Variants in GTF2E2 observed in about 807,000 individuals in gnomAD.
GTF2E2 encodes the protein transcription initiation factor IIE subunit beta.
GTF2E2 carries 21 observed loss-of-function variants against 40.5 expected under a neutral mutation model. That is an observed-to-expected ratio of 0.52 (90% CI 0.37 to 0.75). The LOEUF (loss-of-function observed/expected upper bound fraction) is 0.75, where lower values mean the gene tolerates loss of function less well. Ranked by LOEUF, GTF2E2 falls within the 30% of genes least tolerant of loss-of-function variation. The probability of loss-of-function intolerance (pLI) is 0.00; values close to 1 mark genes in which losing one functional copy is unlikely to be tolerated. For missense variants in GTF2E2, 298 were observed against 338.4 expected (o/e 0.88, Z 0.94); for synonymous variants, 117 against 121.6 (o/e 0.96, Z 0.25).
chr8:30,642,600 A>G (rs1337587406), intron 2 of GTF2E2, among the ~76,000 whole-genome samples: 3 of 152,184 alleles, frequency 2.0e-5, no homozygotes, highest in Non-Finnish European at 4.4e-5. Flanking sequence ...CCACACCATC[A>G]TTGTGATTAA....
intron 3 of GTF2E2, among the ~76,000 whole-genome samples, chr8:30,621,531 A>C (rs958177062): frequency 6.6e-6 from 1 of 152,164 alleles, no homozygotes; most frequent in Admixed American, 6.5e-5. Context: ...ATAATGCCCT[A>C]CAACTAGAGA....
chr8:30,586,834 T>G (rs915727551), intron 6 of GTF2E2, among the ~76,000 whole-genome samples: 4 of 152,206 alleles, frequency 2.6e-5, no homozygotes, highest in African/African-American at 9.7e-5. Flanking sequence ...GGCCACTGTC[T>G]CACACCATAT....
rs1036173320 is a variant in GTF2E2 at position 30,626,398 on chromosome 8, T to C, written c.258+8634A>G. ...TACTTGGGAGGCTGAAGCAGGAGAA[T>C]CGCTTGAACCCGAGAGGTGGAGGTT... On this transcript the variant is annotated intron_variant, in intron 3 of 7. Transcript: ENST00000355904. Among the ~76,000 whole-genome samples the C allele has an allele frequency of 3.3e-5, 5 of 152,102 alleles. No homozygotes were observed. The East Asian group carries it at 9.6e-4, about 29-fold the overall frequency.
chr8:30,616,344 G>C (rs1800917280), intron 3 of GTF2E2, among the ~76,000 whole-genome samples: 1 of 152,048 alleles, frequency 6.6e-6, no homozygotes, highest in African/African-American at 2.4e-5. Flanking sequence ...GCTGAGGCAG[G>C]GGAATCACTT....
At chr8:30,629,954 CACTT>C (rs1389191923) in intron 3 of GTF2E2, among the ~76,000 whole-genome samples, 1 of 152,060 alleles carries the variant, frequency 6.6e-6, no homozygotes, top group Non-Finnish European at 1.5e-5. Flanking sequence ...ATAAAGTACA[CACTT>C]AATTTGTCAT....
Position 30,587,000 on chromosome 8 carries a change from A to G in GTF2E2, c.644-6604T>C, listed in dbSNP as rs544331870. On this transcript the variant is annotated intron_variant, in intron 6 of 7. Coordinates refer to ENST00000355904, the MANE Select transcript of GTF2E2 (RefSeq NM_002095.6). ...GTTCAGGCAACAAAAGCAAACATAG[A>G]CAACTGGGATTACAACAAACCAAAA... Among the ~76,000 whole-genome samples, 61 of 152,362 alleles carry G rather than the reference A, an allele frequency of 4.0e-4. 2 individuals are homozygous for G. The South Asian group carries it at 0.01, about 25-fold the overall frequency.
At chr8:30,628,467 T>A (rs1801347947) in intron 3 of GTF2E2, among the ~76,000 whole-genome samples, 1 of 152,182 alleles carries the variant, frequency 6.6e-6, no homozygotes, top group South Asian at 2.1e-4. Flanking sequence ...ACTGATTAGG[T>A]TAATAAATGT....
intron 2 of GTF2E2, among the ~76,000 whole-genome samples, chr8:30,639,105 TTGTTA>T (rs1801715458): frequency 6.6e-6 from 1 of 152,226 alleles, no homozygotes; most frequent in African/African-American, 2.4e-5. Flanking sequence ...ATAAGAAAGT[TTGTTA>T]TATTTTTTAG....
At chr8:30,639,446 C>T (rs141259023) in intron 2 of GTF2E2, among the ~76,000 whole-genome samples, 22 of 152,206 alleles carry the variant, frequency 1.4e-4, no homozygotes, top group African/African-American at 4.8e-4. Context: ...TTAAACTGAT[C>T]CTCAAAATAA....
At chr8:30,584,197 C>CT (rs55933853) in intron 6 of GTF2E2, among the ~76,000 whole-genome samples, 9,219 of 145,848 alleles carry the variant, frequency 0.063, 383 homozygotes, top group Non-Finnish European at 0.09. Flanking sequence ...ACTTGCTTCC[C>CT]TTTTTTTTTT....
intron 7 of GTF2E2, among the ~76,000 whole-genome samples, chr8:30,579,970 G>A (rs1374688879): frequency 6.6e-6 from 1 of 152,192 alleles, no homozygotes; most frequent in Non-Finnish European, 1.5e-5. Flanking sequence ...ATCCCTTTAA[G>A]AATAGGGAGA....
At chr8:30,608,812 C>T (rs1299693019) in intron 5 of GTF2E2, among the ~76,000 whole-genome samples, 3 of 152,186 alleles carry the variant, frequency 2.0e-5, no homozygotes, top group Admixed American at 6.5e-5. Flanking sequence ...TGCAGTGACG[C>T]GATCTTGGCT....
intron 2 of GTF2E2, chr8:30,643,937 ATT>A (rs1378931009): frequency 1.3e-5 from 2 of 152,250 alleles, no homozygotes; most frequent in African/African-American, 2.4e-5. Context: ...ATCAATAAAC[ATT>A]TGTTATAAAA....
intron 2 of GTF2E2, chr8:30,637,408 A>G (rs1200441915): frequency 2.5e-6 from 1 of 402,620 alleles, no homozygotes; most frequent in Non-Finnish European, 4.9e-6. Flanking sequence ...TGTCAAGCTT[A>G]GTAAACACTC....
chr8:30,620,239 A>AACACACACAC (rs145330914), intron 3 of GTF2E2, among the ~76,000 whole-genome samples: 3 of 150,508 alleles, frequency 2.0e-5, no homozygotes, highest in East Asian at 1.9e-4. Flanking sequence ...CACACACACA[A>AACACACACAC]ACACACACAC....
intron 3 of GTF2E2, among the ~76,000 whole-genome samples, chr8:30,628,807 T>C (rs1801356611): frequency 6.6e-6 from 1 of 152,042 alleles, no homozygotes; most frequent in Admixed American, 6.6e-5. Context: ...GGCACACGCC[T>C]GTAATCCCAG....
intron 1 of GTF2E2, among the ~76,000 whole-genome samples, chr8:30,654,541 T>TA (rs1206517913): frequency 1.3e-5 from 2 of 151,992 alleles, no homozygotes; most frequent in Non-Finnish European, 2.9e-5. Context: ...TAGCTAGTAC[T>TA]ACAGGTACAC....
chr8:30,615,272 T>C (rs994143540), intron 3 of GTF2E2, among the ~76,000 whole-genome samples: 5 of 152,062 alleles, frequency 3.3e-5, no homozygotes, highest in African/African-American at 1.2e-4. Context: ...AGAGCAAGAC[T>C]CTGTCTTGAA....
chr8:30,611,665 T>C (rs1334274371), intron 5 of GTF2E2, among the ~76,000 whole-genome samples: 1 of 152,138 alleles, frequency 6.6e-6, no homozygotes, highest in Non-Finnish European at 1.5e-5. Context: ...CTCAGGGACT[T>C]GTAGTACAAT....
Sources: allele counts gnomAD v4.1 joint callset (sites outside exome capture counted in the v4.1 genomes callset), GRCh38; gene constraint gnomAD v4.1.1; transcripts MANE v1.5; gene names NCBI Gene and HGNC (gene_info 2026-07-23, HGNC 2026-07-21).